TRDN: variants seen among roughly 807,000 people sequenced by gnomAD.
TRDN encodes triadin.
TRDN carries 161 observed loss-of-function variants against 149.7 expected under a neutral mutation model. The ratio of observed to expected loss-of-function variants is 1.08; its 90% CI spans 0.95 to 1.23. The LOEUF (loss-of-function observed/expected upper bound fraction) is 1.23, where lower values mean the gene tolerates loss of function less well. Among genes scored for constraint, TRDN ranks in the 50% most tolerant of loss-of-function variants. TRDN has a pLI of 0.00. For missense variants in TRDN, 896 were observed against 823.5 expected (o/e 1.09, Z -1.08); for synonymous variants, 294 against 250.5 (o/e 1.17, Z -1.64).
intron 2 of TRDN, among the ~76,000 whole-genome samples, chr6:123,557,554 G>A (rs532478879): frequency 2.2e-4 from 34 of 152,160 alleles, no homozygotes; most frequent in East Asian, 9.7e-4. Context: ...CAAAGGAGAC[G>A]CATTTTATCC....
chr6:123,430,068 G>C (rs1297723060), intron 12 of TRDN, among the ~76,000 whole-genome samples: 1 of 151,974 alleles, frequency 6.6e-6, no homozygotes, highest in Non-Finnish European at 1.5e-5. Flanking sequence ...CCAGCAGTTT[G>C]AGACTAGCCT....
At chr6:123,361,930 T>C (rs1214229310) in intron 20 of TRDN, among the ~76,000 whole-genome samples, 2 of 152,200 alleles carry the variant, frequency 1.3e-5, no homozygotes, top group South Asian at 4.1e-4. Flanking sequence ...CAGCCTATCA[T>C]TGTCTGGAGC....
intron 4 of TRDN, among the ~76,000 whole-genome samples, chr6:123,542,716 T>G (rs983585159): frequency 5.9e-5 from 9 of 152,152 alleles, no homozygotes; most frequent in Non-Finnish European, 1.3e-4. Context: ...TATTTTATCT[T>G]TGAACATAAA....
intron 20 of TRDN, among the ~76,000 whole-genome samples, chr6:123,358,225 C>T (rs1015466102): frequency 4.6e-5 from 7 of 152,150 alleles, no homozygotes; most frequent in African/African-American, 1.7e-4. Context: ...CTTCAGAAAT[C>T]AAAACTAATG....
At chr6:123,474,005 G>T (rs1251069115) in intron 9 of TRDN, among the ~76,000 whole-genome samples, 1 of 151,976 alleles carries the variant, frequency 6.6e-6, no homozygotes, top group Non-Finnish European at 1.5e-5. Context: ...AAAACGTAAA[G>T]ACCATCGAGA....
At chr6:123,540,173 C>CA (rs1255005254) in intron 4 of TRDN, among the ~76,000 whole-genome samples, 3 of 152,172 alleles carry the variant, frequency 2.0e-5, no homozygotes, top group African/African-American at 7.2e-5. Flanking sequence ...GTGCATATTT[C>CA]TTCTCTCTGT....
intron 24 of TRDN, among the ~76,000 whole-genome samples, chr6:123,311,467 A>G (rs1300687138): frequency 6.6e-6 from 1 of 151,958 alleles, no homozygotes; most frequent in African/African-American, 2.4e-5. Flanking sequence ...GCAGTGAGGA[A>G]GTACCTTGCC....
chr6:123,512,258 G>T, intron 7 of TRDN, 45 bp downstream of exon 7: 1 of 1,131,856 alleles, frequency 8.8e-7, no homozygotes. Flanking sequence ...TAATCTTTCA[G>T]AGTAAAAAGA....
At chr6:123,377,968 GT>G in intron 16 of TRDN, 70 bp from the exon 17 acceptor site, 1 of 1,156,022 alleles carries the variant, frequency 8.7e-7, no homozygotes, top group East Asian at 2.6e-5. Context: ...CAACTTAATT[GT>G]TTTAACACAA....
At chr6:123,247,657 T>C (rs1261995695) in intron 38 of TRDN, among the ~76,000 whole-genome samples, 1 of 152,128 alleles carries the variant, frequency 6.6e-6, no homozygotes, top group East Asian at 1.9e-4. Flanking sequence ...TCAATATCGT[T>C]AAAATGACCC....
chr6:123,328,547 C>G (rs1779547188), intron 23 of TRDN, among the ~76,000 whole-genome samples: 2 of 152,116 alleles, frequency 1.3e-5, no homozygotes, highest in South Asian at 4.1e-4. Flanking sequence ...CAATCTTTCA[C>G]TGGGCCTCTA....
chr6:123,527,876 T>A (rs12199782), intron 5 of TRDN, among the ~76,000 whole-genome samples: 85,895 of 151,326 alleles, frequency 0.57, 25,248 homozygotes, highest in Non-Finnish European at 0.65. Context: ...TAAAATAAAA[T>A]AAATTTCTAC....
At chr6:123,459,818 T>G (rs1367798409) in intron 10 of TRDN, among the ~76,000 whole-genome samples, 1 of 152,328 alleles carries the variant, frequency 6.6e-6, no homozygotes, top group East Asian at 1.9e-4. Context: ...GGAAATAGAC[T>G]GAGCCTTGGT....
chr6:123,458,719 C>T (rs771611171), intron 10 of TRDN, among the ~76,000 whole-genome samples: 13 of 152,248 alleles, frequency 8.5e-5, no homozygotes, highest in Non-Finnish European at 1.8e-4. Context: ...TGGGTCTATG[C>T]TGTGTTCTAA....
chr6:123,593,263 A>G (rs1783878488), intron 1 of TRDN, among the ~76,000 whole-genome samples: 1 of 152,244 alleles, frequency 6.6e-6, no homozygotes, highest in Non-Finnish European at 1.5e-5. Context: ...TTCTGGAGGT[A>G]TATATGACTT....
intron 23 of TRDN, among the ~76,000 whole-genome samples, chr6:123,326,990 A>G (rs879266916): frequency 3.3e-5 from 5 of 152,064 alleles, no homozygotes; most frequent in Non-Finnish European, 5.9e-5. Context: ...TACTGTAACC[A>G]AAAGCTATAT....
At chr6:123,570,878 A>G (rs1782538296) in intron 2 of TRDN, 45 bp downstream of exon 2, 4 of 1,576,506 alleles carry the variant, frequency 2.5e-6, no homozygotes, top group Middle Eastern at 3.3e-4. Context: ...GTTTCTTTCC[A>G]TTTGAATTAA....
At chr6:123,337,480 C>A in intron 22 of TRDN, 139 bp downstream of exon 22, 2 of 304,970 alleles carry the variant, frequency 6.6e-6, no homozygotes. Context: ...CAAATAAACA[C>A]AAGTTTTTAA....
intron 1 of TRDN, among the ~76,000 whole-genome samples, chr6:123,582,767 A>C (rs141711925): frequency 6.6e-6 from 1 of 152,020 alleles, no homozygotes; most frequent in Non-Finnish European, 1.5e-5. Flanking sequence ...AGAAAAATAA[A>C]ATGAAATAGT....
Sources: gnomAD v4.1 joint callset for allele counts (sites outside exome capture counted in the v4.1 genomes callset) on GRCh38, gnomAD v4.1.1 for gene constraint, MANE v1.5 for transcripts, NCBI Gene and HGNC (gene_info 2026-07-23, HGNC 2026-07-21) for gene names.